DHX15: variants seen among roughly 807,000 people sequenced by gnomAD.
DHX15 encodes DEAH-box helicase 15, also known as ATP-dependent RNA helicase DHX15.
A neutral mutation model predicts 94.4 loss-of-function variants in DHX15; 11 were observed. That is an observed-to-expected ratio of 0.12 (90% CI 0.07 to 0.19). The LOEUF is 0.19. DHX15 is among the 10% of genes least tolerant of loss of function. The pLI is 1.00. For synonymous variants in DHX15, 338 were observed against 329.9 expected, an observed-to-expected ratio of 1.02 and a Z score of -0.27; for missense variants, 304 against 988.5, an observed-to-expected ratio of 0.31 and a Z score of 9.29.
chr4:24,569,132 A>G, intron 3 of DHX15, among the ~76,000 whole-genome samples: 1 of 152,236 alleles, frequency 6.6e-6, no homozygotes, highest in Non-Finnish European at 1.5e-5. Context: ...CTATTTTAAG[A>G]AACTATCTCA....
rs770059678 is a variant in DHX15 at position 24,541,854 on chromosome 4, A to T, written c.1485+19T>A. On this transcript the variant is annotated intron_variant, in intron 8 of 13. Coordinates refer to ENST00000336812, the MANE Select transcript of DHX15 (RefSeq NM_001358.3). ...CTAACATTTTAAACATATCGGCAGG[A>T]AACGACAATACCCCATACCTGCATT... is the stretch of plus-strand genomic sequence containing the variant. 2 of 1,536,632 alleles carry T rather than the reference A, an allele frequency of 1.3e-6. No individual in the cohort carries two copies. Among genetic ancestry groups the T allele is most frequent in the South Asian group, 1.2e-5 (1 of 82,212 alleles).
At chr4:24,560,661 C>CT (rs1299287863) in intron 3 of DHX15, among the ~76,000 whole-genome samples, 3 of 152,092 alleles carry the variant, frequency 2.0e-5, no homozygotes, top group Admixed American at 1.3e-4. Context: ...GATGAAACAT[C>CT]TAATTCTATC....
At chr4:24,551,875 C>T (rs1445704618) in intron 5 of DHX15, among the ~76,000 whole-genome samples, 1 of 152,136 alleles carries the variant, frequency 6.6e-6, no homozygotes, top group Non-Finnish European at 1.5e-5. Flanking sequence ...TAGACATTTG[C>T]TTTGTGATTC....
At chr4:24,553,042 G>A (rs985864142) in intron 5 of DHX15, among the ~76,000 whole-genome samples, 18 of 152,314 alleles carry the variant, frequency 1.2e-4, no homozygotes, top group African/African-American at 4.1e-4. Flanking sequence ...TAAAAATATG[G>A]CCAGGTGCAG....
chr4:24,580,888 A>T (rs764346904), intron 1 of DHX15: 1 of 152,150 alleles, frequency 6.6e-6, no homozygotes, highest in African/African-American at 2.4e-5. Flanking sequence ...ATACGTATGT[A>T]TAAGGATGTT....
rs1333526601 is a variant in DHX15 at position 24,570,819 on chromosome 4, C to T, written c.536G>A (p.Arg179Gln). 4.3e-6 allele frequency: 7 copies of T among 1,614,116 alleles called. No individual in the cohort carries two copies. In the East Asian group the frequency reaches 1.1e-4, roughly 26 times the overall value. The change falls in exon 3 of 14, where the codon CGA becomes CAA. Residue 179 changes from arginine to glutamine, a missense_variant. By Grantham distance (43) the Arg-to-Gln change is conservative. Transcript: ENST00000336812. ...QIPQWCVEYM[R>Q]SLPGPKRGVA... ...TCCTCTCTTGGGTCCTGGTAATGAT[C>T]GCATGTACTCCACACACCACTGTGG...
At chr4:24,581,333 C>A (rs1172368843) in intron 1 of DHX15, among the ~76,000 whole-genome samples, 1 of 152,100 alleles carries the variant, frequency 6.6e-6, no homozygotes, top group Non-Finnish European at 1.5e-5. Context: ...CGGCCTATGG[C>A]AGCCAATTTA....
chr4:24,577,798 A>T (rs1205963580), intron 1 of DHX15, among the ~76,000 whole-genome samples: 1 of 152,174 alleles, frequency 6.6e-6, no homozygotes, highest in Non-Finnish European at 1.5e-5. Flanking sequence ...AAAATAAAAT[A>T]ATCTATGCTT....
intron 3 of DHX15, among the ~76,000 whole-genome samples, chr4:24,569,614 A>AAG (rs1553951962): frequency 1.3e-5 from 2 of 150,638 alleles, no homozygotes; most frequent in African/African-American, 4.9e-5. Context: ...AAAAAAAAAA[A>AAG]AGAGAGACTC....
intron 3 of DHX15, among the ~76,000 whole-genome samples, chr4:24,560,054 A>AT (rs1480755172): frequency 6.6e-6 from 1 of 152,030 alleles, no homozygotes; most frequent in Non-Finnish European, 1.5e-5. Flanking sequence ...TAGCTTAAGT[A>AT]TTTTTTTGCA....
At chr4:24,530,289 T>A (rs1362067461) in intron 12 of DHX15, 1 of 157,748 alleles carries the variant, frequency 6.3e-6, no homozygotes, top group Non-Finnish European at 1.4e-5. Flanking sequence ...AGAACATTCA[T>A]GTCTAAGGTA....
At chr4:24,581,872 C>T (rs542610542) in intron 1 of DHX15, among the ~76,000 whole-genome samples, 2 of 152,216 alleles carry the variant, frequency 1.3e-5, no homozygotes, top group East Asian at 3.9e-4. Flanking sequence ...GCAACAGAAA[C>T]CTATAATAAC....
chr4:24,573,444 AC>A (rs1216720113), intron 2 of DHX15, among the ~76,000 whole-genome samples: 1 of 152,178 alleles, frequency 6.6e-6, no homozygotes, highest in Non-Finnish European at 1.5e-5. Flanking sequence ...CCAAATTCAC[AC>A]ATTCAAAAGC....
chr4:24,552,225 T>C lies in DHX15; in HGVS notation c.1080+2500A>G, dbSNP rs753485154. On this transcript the variant is annotated intron_variant, in intron 5 of 13. Transcript: ENST00000336812. Reference sequence around the variant, plus strand: ...CCATCTGCTTAGTCATTAGCAATACTGAGAATAAAGACAGACAGTTCAGGA... The same window carrying C: ...CCATCTGCTTAGTCATTAGCAATACCGAGAATAAAGACAGACAGTTCAGGA... 9.4e-5 allele frequency among the ~76,000 whole-genome samples: 14 copies of C among 149,158 alleles called. No homozygotes were observed. In the South Asian group the frequency reaches 1.0e-3, roughly 11 times the overall value.
intron 4 of DHX15, among the ~76,000 whole-genome samples, chr4:24,555,666 T>C (rs988862724): frequency 3.9e-5 from 6 of 152,122 alleles, no homozygotes; most frequent in Admixed American, 3.9e-4. Flanking sequence ...CAATGAATAG[T>C]ATACACACAC....
At chr4:24,571,987 A>G (rs2109009407) in intron 2 of DHX15, among the ~76,000 whole-genome samples, 1 of 152,310 alleles carries the variant, frequency 6.6e-6, no homozygotes, top group African/African-American at 2.4e-5. Context: ...CAGGCTATAA[A>G]GCCTTACTTA....
chr4:24,535,101 A>C (rs892740402), intron 11 of DHX15, among the ~76,000 whole-genome samples: 2 of 152,098 alleles, frequency 1.3e-5, no homozygotes, highest in African/African-American at 4.8e-5. Flanking sequence ...ACCAATGGCT[A>C]ATCATCCCTT....
At chr4:24,559,303 C>G (rs1577343680) in intron 3 of DHX15, among the ~76,000 whole-genome samples, 1 of 150,468 alleles carries the variant, frequency 6.6e-6, no homozygotes, top group East Asian at 2.0e-4. Context: ...TGGAACTAAC[C>G]TGCCAACATA....
At chr4:24,569,744 G>T (rs1481435830) in intron 3 of DHX15, among the ~76,000 whole-genome samples, 1 of 152,056 alleles carries the variant, frequency 6.6e-6, no homozygotes, top group African/African-American at 2.4e-5. Flanking sequence ...TCAGGGAGAA[G>T]ATCACATAGA....
Sources: gnomAD v4.1 joint callset for allele counts (sites outside exome capture counted in the v4.1 genomes callset) on GRCh38, gnomAD v4.1.1 for gene constraint, MANE v1.5 for transcripts, NCBI Gene and HGNC (gene_info 2026-07-23, HGNC 2026-07-21) for gene names.